Variants in TANC1 observed in about 807,000 individuals in gnomAD.
TANC1 encodes protein TANC1.
Under a neutral mutation model 149.7 loss-of-function variants are expected in TANC1, and 77 were observed. The ratio of observed to expected loss-of-function variants is 0.51; its 90% CI spans 0.43 to 0.62. The LOEUF is 0.62. Among genes scored for constraint, TANC1 ranks in the 20% least tolerant of loss-of-function variants. TANC1 has a pLI of 0.00. For missense variants in TANC1, 1,985 were observed against 2,321.8 expected (o/e 0.85, Z 2.98); for synonymous variants, 854 against 925.0 (o/e 0.92, Z 1.39).
At chr2:158,975,137 T>G (rs2033487511) in intron 1 of TANC1, among the ~76,000 whole-genome samples, 1 of 152,166 alleles carries the variant, frequency 6.6e-6, no homozygotes, top group African/African-American at 2.4e-5. Context: ...TCTGTATTGT[T>G]TTAAAATTTA....
chr2:159,204,227 A>G (rs2058450308), intron 19 of TANC1, among the ~76,000 whole-genome samples: 1 of 152,096 alleles, frequency 6.6e-6, no homozygotes, highest in Non-Finnish European at 1.5e-5. Context: ...AGTGAGGGAG[A>G]TGTTCACTTG....
At chr2:159,052,653 G>T (rs1447644607) in intron 2 of TANC1, among the ~76,000 whole-genome samples, 2 of 152,100 alleles carry the variant, frequency 1.3e-5, no homozygotes, top group East Asian at 3.8e-4. Context: ...AACTTGAATG[G>T]GTGGAGAAAA....
At chr2:159,053,033 G>A (rs895475687) in intron 2 of TANC1, among the ~76,000 whole-genome samples, 1 of 152,112 alleles carries the variant, frequency 6.6e-6, no homozygotes, top group Non-Finnish European at 1.5e-5. Flanking sequence ...AGCCATCCAT[G>A]GAACTTAAAA....
chr2:159,229,529 A>T lies in TANC1; in HGVS notation c.4152-49A>T, dbSNP rs1396454761. On this transcript the variant is annotated intron_variant, in intron 26 of 26. Transcript: ENST00000263635. ...CTCTTTTATGAACAGTTACACTCTG[A>T]GCATGTTCGTGTGTGGTTTGTAATG... is the stretch of plus-strand genomic sequence containing the variant. 4 of 1,411,840 alleles carry T rather than the reference A, an allele frequency of 2.8e-6. No individual in the cohort carries two copies. The African/African-American group carries it at 5.7e-5, about 20-fold the overall frequency. The allele number at this position is 1,411,840 out of a possible 1,614,324, so 87.5% of individuals were successfully genotyped here.
rs2038990499 is a variant in TANC1 at position 159,023,420 on chromosome 2, G to A, written c.-16+22231G>A. ...TGCAGTGGTACGATCTTGGCTCACT[G>A]CAACCTCCACCCTCCCAGCTCAAGT... is the stretch of plus-strand genomic sequence containing the variant. On this transcript the variant is annotated intron_variant, in intron 2 of 26. Coordinates refer to ENST00000263635, the MANE Select transcript of TANC1 (RefSeq NM_033394.3). 3.3e-5 allele frequency among the ~76,000 whole-genome samples: 5 copies of A among 151,482 alleles called. No individual in the cohort carries two copies. The South Asian group carries it at 1.0e-3, about 32-fold the overall frequency.
intron 19 of TANC1, among the ~76,000 whole-genome samples, chr2:159,215,725 A>T (rs1200688990): frequency 6.6e-6 from 1 of 152,002 alleles, no homozygotes; most frequent in Non-Finnish European, 1.5e-5. Flanking sequence ...CTGTCGTGGC[A>T]CTCTGCTTTT....
intron 19 of TANC1, among the ~76,000 whole-genome samples, chr2:159,204,009 G>GGTA (rs1348451276): frequency 2.0e-5 from 3 of 152,220 alleles, no homozygotes; most frequent in Non-Finnish European, 4.4e-5. Context: ...TGTCCAGCAT[G>GGTA]GTAGCTACTA....
chr2:158,976,510 G>A (rs1388555575), intron 1 of TANC1, among the ~76,000 whole-genome samples: 1 of 152,320 alleles, frequency 6.6e-6, no homozygotes, highest in East Asian at 1.9e-4. Flanking sequence ...AATGATATAA[G>A]TATAAAGGAA....
intron 22 of TANC1, among the ~76,000 whole-genome samples, chr2:159,222,779 A>C (rs1474006241): frequency 2.0e-5 from 3 of 152,178 alleles, no homozygotes; most frequent in Non-Finnish European, 2.9e-5. Flanking sequence ...TGGCTCATAT[A>C]GTGATTGTAT....
chr2:159,000,723 G>A (rs1298291034), intron 1 of TANC1, among the ~76,000 whole-genome samples: 1 of 152,028 alleles, frequency 6.6e-6, no homozygotes. Flanking sequence ...GAGGGAGGGG[G>A]TGTGCGAGCC....
At chr2:159,058,389 A>G (rs1194017526) in intron 2 of TANC1, among the ~76,000 whole-genome samples, 2 of 152,194 alleles carry the variant, frequency 1.3e-5, no homozygotes, top group Non-Finnish European at 2.9e-5. Flanking sequence ...TATTAGTCCA[A>G]ACTCCTTGTT....
intron 16 of TANC1, among the ~76,000 whole-genome samples, chr2:159,190,187 T>C (rs1559426190): frequency 1.3e-5 from 2 of 152,220 alleles, no homozygotes; most frequent in Admixed American, 6.5e-5. Context: ...AGGAATTTTC[T>C]GAAAATCACA....
At position 159,198,961 on chromosome 2, in the gene TANC1, G is replaced by A. The variant is rs1233121334; in HGVS notation, c.3166-14G>A. 1 of 1,608,136 alleles carries A rather than the reference G, an allele frequency of 6.2e-7. No homozygotes were observed. Among genetic ancestry groups the A allele is most frequent in the Middle Eastern group, 1.7e-4 (1 of 6,046 alleles). ...CTAAGAGAACTCATTAAATCACCTT[G>A]CCACTTCTGACAGGTGGTCCAGTGC... On this transcript the variant is annotated splice_polypyrimidine_tract_variant and intron_variant, in intron 18 of 26. Transcript: ENST00000263635.
intron 4 of TANC1, among the ~76,000 whole-genome samples, chr2:159,098,587 T>C (rs1478903070): frequency 6.6e-6 from 1 of 152,184 alleles, no homozygotes; most frequent in Admixed American, 6.5e-5. Context: ...TTTGATTACA[T>C]CATCTAGCAT....
intron 7 of TANC1, 182 bp downstream of exon 7, chr2:159,150,738 A>G: frequency 1.8e-6 from 1 of 560,918 alleles, no homozygotes; most frequent in Non-Finnish European, 3.2e-6. Context: ...TGGCTTTTAC[A>G]TTCCTTGATG....
intron 19 of TANC1, among the ~76,000 whole-genome samples, chr2:159,202,442 C>T (rs982173531): frequency 2.0e-5 from 3 of 152,160 alleles, no homozygotes; most frequent in Admixed American, 6.5e-5. Context: ...TTTTGGAGAG[C>T]AGAGGGCTTA....
At position 159,174,987 on chromosome 2, in the gene TANC1, C is replaced by T. The variant is rs369404974; in HGVS notation, c.1538C>T (p.Thr513Met). Reference sequence around the variant, plus strand: ...TACCACTACTGCCAGGCTGACAACACGTACACTTGCCTGGTGCCCGAGTTT... The same window carrying T: ...TACCACTACTGCCAGGCTGACAACATGTACACTTGCCTGGTGCCCGAGTTT... ...VAYHYCQADN[T>M]YTCLVPEFVH... The change falls in exon 12 of 27, where the codon ACG (threonine) becomes ATG (methionine). Residue 513 changes from threonine (T) to methionine (M), a missense_variant. Transcript: ENST00000263635. The T allele has an allele frequency of 3.0e-5, 48 of 1,614,186 alleles. No individual in the cohort carries two copies. In the Middle Eastern group the frequency reaches 6.6e-4, roughly 22 times the overall value.
intron 2 of TANC1, among the ~76,000 whole-genome samples, chr2:159,053,413 G>A (rs2041619012): frequency 6.6e-6 from 1 of 152,210 alleles, no homozygotes; most frequent in South Asian, 2.1e-4. Flanking sequence ...CCAGAGGAGA[G>A]CGCAGTGATG....
intron 3 of TANC1, among the ~76,000 whole-genome samples, chr2:159,067,031 C>G (rs1472643582): frequency 6.6e-6 from 1 of 152,170 alleles, no homozygotes; most frequent in Non-Finnish European, 1.5e-5. Context: ...TGGAGAATGA[C>G]TGGTTTTCTG....
Sources: gnomAD v4.1 joint callset for allele counts (sites outside exome capture counted in the v4.1 genomes callset) on GRCh38, gnomAD v4.1.1 for gene constraint, MANE v1.5 for transcripts, NCBI Gene and HGNC (gene_info 2026-07-23, HGNC 2026-07-21) for gene names.